Variants in FOXP2 observed in about 807,000 individuals in gnomAD.
FOXP2 encodes the protein forkhead box P2, also known as forkhead box protein P2.
In FOXP2, 12 loss-of-function variants were observed where a neutral mutation model predicts 115.8. That is an observed-to-expected ratio of 0.10 (90% confidence interval 0.07 to 0.17). The LOEUF is 0.17. FOXP2 is among the 10% of genes least tolerant of loss of function. The probability of loss-of-function intolerance (pLI) is 1.00; values close to 1 mark genes in which losing one functional copy is unlikely to be tolerated. For synonymous variants in FOXP2, 328 were observed against 297.7 expected (o/e 1.10, Z -1.05); for missense variants, 629 against 843.5 (o/e 0.75, Z 3.15).
At chr7:114,443,419 GT>G (rs894186408) in intron 2 of FOXP2, among the ~76,000 whole-genome samples, 10 of 151,490 alleles carry the variant, frequency 6.6e-5, no homozygotes, top group South Asian at 2.1e-4. Context: ...TTTCTGAACA[GT>G]TTTTTTTTAA....
At chr7:114,164,980 T>TTA (rs34418914) in intron 1 of FOXP2, among the ~76,000 whole-genome samples, 129,174 of 150,220 alleles carry the variant, frequency 0.86, 55,930 homozygotes, top group Non-Finnish European at 0.92. Context: ...TACAGTATGT[T>TTA]TATATATATA....
intron 8 of FOXP2, chr7:114,645,357 A>G (rs1183118931): frequency 6.6e-6 from 1 of 151,778 alleles, no homozygotes; most frequent in Admixed American, 6.6e-5. Context: ...AGAAACATCA[A>G]GAAACACACA....
At chr7:114,506,810 G>T (rs571118127) in intron 2 of FOXP2, among the ~76,000 whole-genome samples, 4 of 151,774 alleles carry the variant, frequency 2.6e-5, no homozygotes, top group South Asian at 2.1e-4. Context: ...TCAGTGGTTG[G>T]CACTCACTAG....
intron 3 of FOXP2, among the ~76,000 whole-genome samples, chr7:114,561,800 T>G (rs1800772337): frequency 6.6e-6 from 1 of 152,156 alleles, no homozygotes; most frequent in Non-Finnish European, 1.5e-5. Flanking sequence ...TTTGTTTGTT[T>G]GTTTTTTGAG....
At chr7:114,268,724 G>A (rs369492902) in intron 1 of FOXP2, among the ~76,000 whole-genome samples, 1 of 145,320 alleles carries the variant, frequency 6.9e-6, no homozygotes, top group African/African-American at 2.8e-5. Context: ...GTGTGTGTGT[G>A]TGTGTGTATG....
At chr7:114,446,338 C>G (rs1794835223) in intron 2 of FOXP2, among the ~76,000 whole-genome samples, 1 of 151,802 alleles carries the variant, frequency 6.6e-6, no homozygotes. Flanking sequence ...TTTTATCATT[C>G]ATTCATTCAT....
intron 1 of FOXP2, among the ~76,000 whole-genome samples, chr7:114,155,679 C>A (rs939442371): frequency 4.6e-5 from 7 of 152,070 alleles, no homozygotes; most frequent in African/African-American, 1.4e-4. Context: ...TATGGGTCTG[C>A]AACAACCTCA....
intron 3 of FOXP2, among the ~76,000 whole-genome samples, chr7:114,581,318 G>A (rs1351331945): frequency 6.6e-6 from 1 of 151,690 alleles, no homozygotes; most frequent in Non-Finnish European, 1.5e-5. Flanking sequence ...CCAGTAGTTG[G>A]CACCACAGGC....
intron 16 of FOXP2, among the ~76,000 whole-genome samples, chr7:114,675,493 C>A (rs932626414): frequency 1.9e-4 from 29 of 152,052 alleles, no homozygotes; most frequent in African/African-American, 6.8e-4. Context: ...TTGAAAACAG[C>A]AATGTGATAG....
chr7:114,523,188 A>G (rs1191175883), intron 2 of FOXP2, among the ~76,000 whole-genome samples: 4 of 152,186 alleles, frequency 2.6e-5, no homozygotes, highest in South Asian at 2.1e-4. Context: ...GAATTTATTC[A>G]GAGATCATCA....
intron 3 of FOXP2, chr7:114,570,702 A>G: frequency 1.2e-6 from 1 of 845,956 alleles, no homozygotes. Context: ...ACCTACCAAG[A>G]TAATAATTCC....
chr7:114,314,084 C>G (rs1255908311), intron 2 of FOXP2, among the ~76,000 whole-genome samples: 1 of 151,740 alleles, frequency 6.6e-6, no homozygotes, highest in Non-Finnish European at 1.5e-5. Flanking sequence ...AAAATACATG[C>G]TATTATGGAT....
At chr7:114,274,736 C>A (rs1005579250) in intron 1 of FOXP2, among the ~76,000 whole-genome samples, 4 of 150,630 alleles carry the variant, frequency 2.7e-5, no homozygotes, top group Non-Finnish European at 4.4e-5. Context: ...CCATTTCAAC[C>A]ACCCAGGTAG....
At chr7:114,139,047 T>C (rs1792129583) in intron 1 of FOXP2, among the ~76,000 whole-genome samples, 1 of 152,146 alleles carries the variant, frequency 6.6e-6, no homozygotes, top group Non-Finnish European at 1.5e-5. Flanking sequence ...ATGTTGTATA[T>C]ATATACAACA....
In FOXP2 at chr7:114,617,308, A is replaced by G. The variant is rs553149597; in HGVS notation, c.259-11232A>G. Among the ~76,000 whole-genome samples, 173 of 152,326 alleles carry G rather than the reference A, an allele frequency of 1.1e-3. 3 individuals carry two copies. The highest frequency in any genetic ancestry group is 1.0e-4 in the Non-Finnish European group (7 of 68,034). On this transcript the variant is annotated intron_variant, in intron 3 of 16. Coordinates refer to ENST00000350908, the MANE Select transcript of FOXP2 (RefSeq NM_014491.4). ...TTCTTAAACAGTTTCTACATATAAT[A>G]AAGCACATCCTATATATTACTGTTA...
intron 6 of FOXP2, among the ~76,000 whole-genome samples, chr7:114,635,070 A>G (rs568113977): frequency 1.3e-3 from 194 of 152,336 alleles, no homozygotes; most frequent in Middle Eastern, 3.4e-3. Context: ...AACACATTAT[A>G]GAACTAGAGA....
chr7:114,637,022 T>C (rs906697699), intron 6 of FOXP2, among the ~76,000 whole-genome samples: 1 of 151,930 alleles, frequency 6.6e-6, no homozygotes, highest in Non-Finnish European at 1.5e-5. Context: ...AAAAATAAAA[T>C]AATTAGCTGA....
chr7:114,420,935 T>C (rs1793592614), intron 1 of FOXP2, among the ~76,000 whole-genome samples: 2 of 151,728 alleles, frequency 1.3e-5, no homozygotes, highest in Non-Finnish European at 1.5e-5. Context: ...ACAGAAATTA[T>C]ATGAATGTGA....
chr7:114,176,002 C>A lies in FOXP2; in HGVS notation c.-102+12914C>A, dbSNP rs563742828. 2.6e-5 allele frequency among the ~76,000 whole-genome samples: 4 copies of A among 152,182 alleles called. No homozygotes were observed. The East Asian group carries it at 5.8e-4, about 22-fold the overall frequency. ...TCTGATCTTGTACCTTTTTCTCCCCCTAGATTTATTTTACTATATTGAATT... is the reference window on the plus strand; with the variant it reads ...TCTGATCTTGTACCTTTTTCTCCCCATAGATTTATTTTACTATATTGAATT... On this transcript the variant is annotated intron_variant, in intron 1 of 17. Transcript: ENST00000634411.
Sources: gnomAD v4.1 joint callset for allele counts (sites outside exome capture counted in the v4.1 genomes callset) on GRCh38, gnomAD v4.1.1 for gene constraint, MANE v1.5 for transcripts, NCBI Gene and HGNC (gene_info 2026-07-23, HGNC 2026-07-21) for gene names.